The following RAB3GAP1 variants were observed in gnomAD, a reference collection of about 807,000 sequenced individuals.
The protein encoded by RAB3GAP1 is RAB3 GTPase activating protein catalytic subunit 1.
Under a neutral mutation model 130.7 loss-of-function variants are expected in RAB3GAP1, and 86 were observed. The ratio of observed to expected loss-of-function variants is 0.66; its 90% CI spans 0.55 to 0.79. The LOEUF (loss-of-function observed/expected upper bound fraction) is 0.79, where lower values mean the gene tolerates loss of function less well. Ranked by LOEUF, RAB3GAP1 falls within the 30% of genes least tolerant of loss-of-function variation. RAB3GAP1 has a pLI of 0.00. For missense variants in RAB3GAP1, 1,029 were observed against 1,169.4 expected (o/e 0.88, Z 1.75); for synonymous variants, 367 against 401.7 (o/e 0.91, Z 1.03).
intron 23 of RAB3GAP1, chr2:135,167,704 T>A: frequency 6.7e-7 from 1 of 1,493,816 alleles, no homozygotes; most frequent in African/African-American, 1.4e-5. Context: ...TGACTGAATC[T>A]TCTGATGAGG....
intron 7 of RAB3GAP1, among the ~76,000 whole-genome samples, chr2:135,117,494 T>C (rs1691018789): frequency 1.5e-5 from 2 of 131,708 alleles, no homozygotes; most frequent in Non-Finnish European, 3.4e-5. Flanking sequence ...CTTCTTCTTC[T>C]GCTTCTTCTT....
rs371708711 is a variant in RAB3GAP1, at chr2:135,103,006, G to GAAA, written c.362+9328_362+9330dup. On this transcript the variant is annotated intron_variant, in intron 5 of 23. Transcript: ENST00000264158. ...TGGGCGACAGTGCGAGACTCCGTCT[G>GAAA]AAAAAAAAAAAAAAAAATCATTTTT... 6.8e-4 allele frequency among the ~76,000 whole-genome samples: 48 copies of GAAA among 70,698 alleles called. 1 individual carries two copies. The highest frequency in any genetic ancestry group is 1.5e-3 in the African/African-American group (23 of 15,296). The allele number at this position is 70,698 out of a possible 152,430, so 46.4% of individuals were successfully genotyped here.
chr2:135,124,923 T>C (rs1189447834), intron 9 of RAB3GAP1, among the ~76,000 whole-genome samples: 1 of 152,210 alleles, frequency 6.6e-6, no homozygotes, highest in East Asian at 1.9e-4. Flanking sequence ...ATAGAAAATG[T>C]TTGCCAACTC....
chr2:135,146,256 A>AG (rs1247240464), intron 17 of RAB3GAP1, among the ~76,000 whole-genome samples: 1 of 128,316 alleles, frequency 7.8e-6, no homozygotes, highest in Admixed American at 9.6e-5. Context: ...CCAGGGCTGG[A>AG]GTGCAGTGGT....
intron 3 of RAB3GAP1, among the ~76,000 whole-genome samples, chr2:135,076,762 GA>G (rs1273426742): frequency 6.6e-6 from 1 of 152,116 alleles, no homozygotes; most frequent in Non-Finnish European, 1.5e-5. Context: ...TCCATATCTA[GA>G]ACTTTTTTAT....
At chr2:135,097,848 T>C (rs973178267) in intron 5 of RAB3GAP1, among the ~76,000 whole-genome samples, 1 of 152,234 alleles carries the variant, frequency 6.6e-6, no homozygotes. Context: ...ACTATAAATA[T>C]TTGTATACAG....
At chr2:135,075,910 CTTTTTT>C (rs996535280) in intron 3 of RAB3GAP1, among the ~76,000 whole-genome samples, 1 of 126,738 alleles carries the variant, frequency 7.9e-6, no homozygotes. Flanking sequence ...TAACAGATTT[CTTTTTT>C]TTTTTTTTTT....
chr2:135,086,965 C>T (rs983766117), intron 3 of RAB3GAP1, among the ~76,000 whole-genome samples: 2 of 152,026 alleles, frequency 1.3e-5, no homozygotes, highest in African/African-American at 4.8e-5. Flanking sequence ...GCCCAGCCAC[C>T]TAATCGTTTT....
intron 17 of RAB3GAP1, 79 bp downstream of exon 17, chr2:135,136,011 AG>A: frequency 6.4e-7 from 1 of 1,559,318 alleles, no homozygotes; most frequent in African/African-American, 1.4e-5. Context: ...TAGTGCTTTG[AG>A]TAAGGAAAAT....
At chr2:135,117,468 G>GCTTCTT (rs1558784128) in intron 7 of RAB3GAP1, among the ~76,000 whole-genome samples, 2 of 30,716 alleles carry the variant, frequency 6.5e-5, no homozygotes, top group Non-Finnish European at 1.6e-4. Flanking sequence ...TTCTGCTTCT[G>GCTTCTT]CTTCTGCTTC....
At chr2:135,172,125 G>A (rs1692870423), downstream of RAB3GAP1, among the ~76,000 whole-genome samples, 1 of 152,134 alleles carries the variant, frequency 6.6e-6, no homozygotes, top group East Asian at 1.9e-4. Flanking sequence ...ATGTCATGAT[G>A]TGACATTTAA....
At chr2:135,080,402 A>G (rs1689760079) in intron 3 of RAB3GAP1, among the ~76,000 whole-genome samples, 1 of 152,236 alleles carries the variant, frequency 6.6e-6, no homozygotes, top group Non-Finnish European at 1.5e-5. Flanking sequence ...TCATATATAC[A>G]GAGGAGAAGG....
chr2:135,138,978 A>G (rs1341597624), intron 17 of RAB3GAP1, among the ~76,000 whole-genome samples: 1 of 152,122 alleles, frequency 6.6e-6, no homozygotes, highest in East Asian at 1.9e-4. Flanking sequence ...TGATGGTCAA[A>G]AGTAGTATCT....
chr2:135,135,752 CGAA>C lies in RAB3GAP1; in HGVS notation c.1750_1752del (p.Glu584del), dbSNP rs1558793679. ...AATCTTGGGATTCCTGGAGTGACAG[CGAA>C]GAAGAATTTTTTGAATGCCTAAGTG... is the stretch of plus-strand genomic sequence containing the variant. On this transcript the variant is annotated inframe_deletion, in exon 17 of 24. Transcript: ENST00000264158. 5 of 1,613,640 alleles carry C rather than the reference CGAA, an allele frequency of 3.1e-6. No homozygotes were observed. Among genetic ancestry groups the C allele is most frequent in the South Asian group, 1.1e-5 (1 of 91,062 alleles).
At chr2:135,091,248 C>A in intron 4 of RAB3GAP1, 118 bp downstream of exon 4, 1 of 958,856 alleles carries the variant, frequency 1.0e-6, no homozygotes, top group Non-Finnish European at 1.6e-6. Context: ...TTTACATAAG[C>A]AAAGTTGTTT....
At chr2:135,081,406 G>T (rs1184064932) in intron 3 of RAB3GAP1, among the ~76,000 whole-genome samples, 3 of 135,018 alleles carry the variant, frequency 2.2e-5, no homozygotes, top group Non-Finnish European at 3.1e-5. Flanking sequence ...ATATGTGTGT[G>T]TATATATATG....
At chr2:135,135,959 T>C in intron 17 of RAB3GAP1, 27 bp downstream of exon 17, 2 of 1,609,428 alleles carry the variant, frequency 1.2e-6, no homozygotes, top group Non-Finnish European at 1.7e-6. Context: ...CTTTCCATTT[T>C]AATTTATTTT....
intron 17 of RAB3GAP1, among the ~76,000 whole-genome samples, chr2:135,148,358 T>A (rs1464588756): frequency 6.6e-6 from 1 of 152,334 alleles, no homozygotes; most frequent in East Asian, 1.9e-4. Context: ...ACTTCTGTGT[T>A]CCATTTATGT....
intron 7 of RAB3GAP1, among the ~76,000 whole-genome samples, chr2:135,117,752 T>C (rs1558784799): frequency 1.4e-5 from 2 of 147,970 alleles, no homozygotes; most frequent in African/African-American, 4.9e-5. Context: ...CTTCTTCTGC[T>C]TCTGCTTCTT....
Sources: allele counts gnomAD v4.1 joint callset (sites outside exome capture counted in the v4.1 genomes callset), GRCh38; gene constraint gnomAD v4.1.1; transcripts MANE v1.5; gene names NCBI Gene and HGNC (gene_info 2026-07-23, HGNC 2026-07-21).